PCDHGA6: variants seen among roughly 807,000 people sequenced by gnomAD.
The protein encoded by PCDHGA6 is protocadherin gamma subfamily A, 6.
Under a neutral mutation model 60.6 loss-of-function variants are expected in PCDHGA6, and 41 were observed. The ratio of observed to expected loss-of-function variants is 0.68; its 90% CI spans 0.53 to 0.88. PCDHGA6 has a LOEUF of 0.88. Ranked by LOEUF, PCDHGA6 falls within the 40% of genes least tolerant of loss-of-function variation. PCDHGA6 has a pLI of 0.00. For synonymous variants in PCDHGA6, 594 were observed against 524.4 expected (o/e 1.13, Z -1.81); for missense variants, 1,312 against 1,203.0 (o/e 1.09, Z -1.34).
At position 141,489,369 on chromosome 5, in the gene PCDHGA6, G is replaced by T; in HGVS notation, c.2425-5438G>T. ...TGGTGGAGGAGTCTGAGCCGGGGAC[G>T]CTGGTGGGGAATGTTGCTCAGGATC... On this transcript the variant is annotated intron_variant, in intron 1 of 3. Coordinates refer to ENST00000517434, the MANE Select transcript of PCDHGA6 (RefSeq NM_018919.3). This position sits in a 1 kb window ranked among gnomAD's most constrained non-coding sequence, Gnocchi z 4.5. 6.2e-7 allele frequency: 1 copy of T among 1,613,592 alleles called. No homozygotes were observed.
At chr5:141,402,919 G>T in intron 1 of PCDHGA6, 1 of 1,572,640 alleles carries the variant, frequency 6.4e-7, no homozygotes, top group Non-Finnish European at 8.6e-7. Flanking sequence ...CGCGCACAGA[G>T]ATCCTTTTGA....
rs1589316075 is a variant in PCDHGA6, at chr5:141,398,010, G to GAATTT, written c.2424+21503_2424+21504insAATTT. 8 of 1,407,812 alleles carry GAATTT rather than the reference G, an allele frequency of 5.7e-6. 1 individual carries two copies. The East Asian group carries it at 1.5e-4, about 27-fold the overall frequency. 87.2% of individuals were successfully genotyped at this position (1,407,812 alleles called of 1,614,324 possible). Reference sequence around the variant, plus strand: ...CCGCTTCCTCCTCGGAAAAAGAATCGTTTCCTAAACTGGAACTGGAACTAA... The same window carrying GAATTT: ...CCGCTTCCTCCTCGGAAAAAGAATCGAATTTTTTCCTAAACTGGAACTGGAACTAA... On this transcript the variant is annotated intron_variant, in intron 1 of 3. Transcript: ENST00000517434.
chr5:141,397,353 AG>A (rs556761818), intron 1 of PCDHGA6, among the ~76,000 whole-genome samples: 31 of 152,340 alleles, frequency 2.0e-4, no homozygotes, highest in Non-Finnish European at 2.9e-4. Flanking sequence ...TAATATAGTC[AG>A]GAAGAGGAGA....
Position 141,431,625 on chromosome 5 carries a change from C to T in PCDHGA6, c.2424+55118C>T. The T allele has an allele frequency of 6.2e-7, 1 of 1,614,224 alleles. No individual in the cohort carries two copies. Among genetic ancestry groups the T allele is most frequent in the South Asian group, 1.1e-5 (1 of 91,082 alleles). On this transcript the variant is annotated intron_variant, in intron 1 of 3. Transcript: ENST00000517434. This position sits in a 1 kb window ranked among gnomAD's most constrained non-coding sequence, Gnocchi z 4.8. Reference sequence around the variant, plus strand: ...TTCCGGTATGTGGACGACAAGGCGGCCCAAGTTTTCAAACTAGATTGTAAT... The same window carrying T: ...TTCCGGTATGTGGACGACAAGGCGGTCCAAGTTTTCAAACTAGATTGTAAT...
intron 1 of PCDHGA6, among the ~76,000 whole-genome samples, chr5:141,480,272 G>A (rs903112862): frequency 7.2e-6 from 1 of 138,796 alleles, no homozygotes; most frequent in African/African-American, 3.0e-5. Flanking sequence ...TTCATTAGCT[G>A]GGTGTGTTGG....
intron 1 of PCDHGA6, among the ~76,000 whole-genome samples, chr5:141,464,827 C>T (rs529757361): frequency 1.5e-4 from 23 of 152,246 alleles, no homozygotes; most frequent in African/African-American, 4.6e-4. Flanking sequence ...TAGCCTCGCA[C>T]TCCTGGGCTC....
intron 1 of PCDHGA6, among the ~76,000 whole-genome samples, chr5:141,470,528 G>A (rs1446688992): frequency 6.6e-6 from 1 of 152,140 alleles, no homozygotes; most frequent in East Asian, 1.9e-4. Context: ...ATTAAAATAT[G>A]TATCAGGTAA....
In PCDHGA6 at chr5:141,374,467, C is replaced by T. The variant is rs1430397717; in HGVS notation, c.384C>T (p.Asp128=). 2 of 1,612,694 alleles carry T rather than the reference C, an allele frequency of 1.2e-6. No homozygotes were observed. Among genetic ancestry groups the T allele is most frequent in the Non-Finnish European group, 1.7e-6 (2 of 1,178,776 alleles). ...PVEVEIVDIN[D]NTPRFLKEEL... ...AAGTGGAAATAGTGGACATTAATGA[C>T]AATACACCCCGATTCTTAAAGGAAG... The change falls in exon 1 of 4, where the codon GAC becomes GAT. Residue 128 remains aspartate, a synonymous_variant. Transcript: ENST00000517434.
chr5:141,454,088 T>C (rs2154564493), intron 1 of PCDHGA6, among the ~76,000 whole-genome samples: 1 of 152,342 alleles, frequency 6.6e-6, no homozygotes. Context: ...CAGTGAAATT[T>C]GAATTGAACA....
Position 141,477,673 on chromosome 5 carries a change from G to A in PCDHGA6, c.2425-17134G>A. The A allele has an allele frequency of 1.2e-6, 2 of 1,614,168 alleles. No individual in the cohort carries two copies. The highest frequency in any genetic ancestry group is 8.5e-7 in the Non-Finnish European group (1 of 1,180,050). ...CAATAAATCGTGACAATGGCATAGT[G>A]TCATCCTTAGTGCCCCTAGACTATG... On this transcript the variant is annotated intron_variant, in intron 1 of 3. Coordinates refer to ENST00000517434, the MANE Select transcript of PCDHGA6 (RefSeq NM_018919.3). This position sits in a 1 kb window ranked among gnomAD's most constrained non-coding sequence, Gnocchi z 4.9.
chr5:141,450,633 C>T (rs751572851), intron 1 of PCDHGA6, among the ~76,000 whole-genome samples: 2 of 149,416 alleles, frequency 1.3e-5, no homozygotes, highest in East Asian at 2.0e-4. Flanking sequence ...ATTACAGATG[C>T]CTGCCACCAT....
intron 1 of PCDHGA6, among the ~76,000 whole-genome samples, chr5:141,466,670 G>T (rs994949602): frequency 6.6e-6 from 1 of 152,046 alleles, no homozygotes; most frequent in Non-Finnish European, 1.5e-5. Flanking sequence ...TGATTTCACC[G>T]TTCTTCCACT....
At chr5:141,402,392 C>A (rs1271100750) in intron 1 of PCDHGA6, among the ~76,000 whole-genome samples, 1 of 151,714 alleles carries the variant, frequency 6.6e-6, no homozygotes, top group African/African-American at 2.4e-5. Flanking sequence ...AAAATTACTT[C>A]AGAAAATTGT....
Position 141,421,812 on chromosome 5 carries a change from A to G in PCDHGA6, c.2424+45305A>G, listed in dbSNP as rs779804436. On this transcript the variant is annotated intron_variant, in intron 1 of 3. Transcript: ENST00000517434. ...CGGATGGGGCCAAGAATCCAGAGCTAGTACTGGAGGGAAGCCTGGACCGAG... is the reference window on the plus strand; with the variant it reads ...CGGATGGGGCCAAGAATCCAGAGCTGGTACTGGAGGGAAGCCTGGACCGAG... 9.9e-6 allele frequency: 16 copies of G among 1,613,704 alleles called. 1 individual carries two copies. In the South Asian group the frequency reaches 1.5e-4, roughly 16 times the overall value.
At chr5:141,392,899 G>A in intron 1 of PCDHGA6, 1 of 1,613,820 alleles carries the variant, frequency 6.2e-7, no homozygotes, top group Admixed American at 1.7e-5. Flanking sequence ...ATCGGGAGGG[G>A]ACAGATTCGC....
intron 1 of PCDHGA6, chr5:141,400,256 G>T (rs756430299): frequency 8.1e-6 from 13 of 1,613,868 alleles, no homozygotes; most frequent in Non-Finnish European, 1.1e-5. Flanking sequence ...GTTGCCTTGC[G>T]CCTGCGACGC....
At chr5:141,413,389 T>C (rs370906684) in intron 1 of PCDHGA6, 1 of 1,613,986 alleles carries the variant, frequency 6.2e-7, no homozygotes, top group South Asian at 1.1e-5. Context: ...CCGCATAGTC[T>C]CCAGAGGTAG....
Position 141,388,205 on chromosome 5 carries a change from G to T in PCDHGA6, c.2424+11698G>T, listed in dbSNP as rs2091277297. 6.3e-7 allele frequency: 1 copy of T among 1,578,264 alleles called. No homozygotes were observed. ...AGCCAGCTTGTGCTCTGGAATTTGA[G>T]GCTGTTGCTGAAAATCCACTGAACT... On this transcript the variant is annotated intron_variant, in intron 1 of 3. Transcript: ENST00000517434.
intron 1 of PCDHGA6, chr5:141,396,593 C>T (rs940440050): frequency 6.0e-5 from 9 of 151,044 alleles, no homozygotes; most frequent in Non-Finnish European, 1.2e-4. Flanking sequence ...GCACTCCAGC[C>T]TGGGCAACAG....
Sources: allele counts gnomAD v4.1 joint callset (sites outside exome capture counted in the v4.1 genomes callset), GRCh38; gene constraint gnomAD v4.1.1; non-coding constraint Gnocchi (gnomAD v3.1); transcripts MANE v1.5; gene names NCBI Gene and HGNC (gene_info 2026-07-23, HGNC 2026-07-21).